LINGO2: variants seen among roughly 807,000 people sequenced by gnomAD.
LINGO2 encodes the protein leucine rich repeat and Ig domain containing 2, also known as leucine-rich repeat and immunoglobulin-like domain-containing nogo receptor-interacting protein 2.
A neutral mutation model predicts 30.6 loss-of-function variants in LINGO2; 14 were observed. That is an observed-to-expected ratio of 0.46 (90% CI 0.30 to 0.72). The LOEUF (loss-of-function observed/expected upper bound fraction) is 0.72, where lower values mean the gene tolerates loss of function less well. Ranked by LOEUF, LINGO2 falls within the 30% of genes least tolerant of loss-of-function variation. The probability of loss-of-function intolerance (pLI) is 0.07; values close to 1 mark genes in which losing one functional copy is unlikely to be tolerated. For missense variants in LINGO2, 729 were observed against 751.7 expected, an observed-to-expected ratio of 0.97 and a Z score of 0.35; for synonymous variants, 317 against 288.5, an observed-to-expected ratio of 1.10 and a Z score of -1.00.
intron 3 of LINGO2, among the ~76,000 whole-genome samples, chr9:28,300,435 G>C (rs909993208): frequency 6.6e-6 from 1 of 151,986 alleles, no homozygotes; most frequent in Admixed American, 6.6e-5. Context: ...TTTTGTCTTC[G>C]CTCAAAGATG....
upstream of LINGO2, among the ~76,000 whole-genome samples, chr9:28,670,702 A>G (rs1392388476): frequency 6.6e-6 from 1 of 152,164 alleles, no homozygotes; most frequent in East Asian, 1.9e-4. Context: ...AAATTTTAGC[A>G]AATATCCTTA....
chr9:28,804,533 G>GCAAAAACAAAAA, the LINGO2 span, among the ~76,000 whole-genome samples: 17 of 133,262 alleles, frequency 1.3e-4, no homozygotes, highest in South Asian at 1.0e-3. Flanking sequence ...TGTGTTCACG[G>GCAAAAACAAAAA]CAAAAACAAA....
At chr9:29,018,751 C>A in the LINGO2 span, among the ~76,000 whole-genome samples, 3 of 147,122 alleles carry the variant, frequency 2.0e-5, no homozygotes, top group African/African-American at 7.3e-5. Flanking sequence ...TAGATCTGAA[C>A]GAAGTGTTTG....
chr9:28,719,286 C>T, the LINGO2 span, among the ~76,000 whole-genome samples: 1 of 152,010 alleles, frequency 6.6e-6, no homozygotes, highest in African/African-American at 2.4e-5. Flanking sequence ...GTTGAACACT[C>T]CCTACATCTT....
chr9:29,176,791 A>G, the LINGO2 span, among the ~76,000 whole-genome samples: 3 of 152,364 alleles, frequency 2.0e-5, no homozygotes, highest in South Asian at 2.1e-4. Flanking sequence ...ATAAGCTTCA[A>G]TGCAACTTTT....
chr9:29,202,472 T>G, the LINGO2 span, among the ~76,000 whole-genome samples: 1 of 152,038 alleles, frequency 6.6e-6, no homozygotes, highest in African/African-American at 2.4e-5. Context: ...AATAATTACA[T>G]TCATTAGCAC....
the LINGO2 span, among the ~76,000 whole-genome samples, chr9:28,776,953 C>T: frequency 6.6e-6 from 1 of 151,916 alleles, no homozygotes; most frequent in African/African-American, 2.4e-5. Flanking sequence ...ATGATTTCCC[C>T]TTGGATTTCC....
chr9:28,346,697 T>C (rs905760221), intron 3 of LINGO2, among the ~76,000 whole-genome samples: 1 of 151,882 alleles, frequency 6.6e-6, no homozygotes, highest in Non-Finnish European at 1.5e-5. Flanking sequence ...CTCATCAGCA[T>C]GTTATTTTTG....
chr9:29,067,429 T>TA, the LINGO2 span, among the ~76,000 whole-genome samples: 9 of 151,728 alleles, frequency 5.9e-5, no homozygotes, highest in African/African-American at 2.2e-4. Context: ...ATTAAACTCT[T>TA]ATAATTTCTT....
chr9:28,946,368 T>C, the LINGO2 span, among the ~76,000 whole-genome samples: 1 of 152,116 alleles, frequency 6.6e-6, no homozygotes, highest in African/African-American at 2.4e-5. Context: ...TTGGAAATGT[T>C]TGGTTAGGAG....
At chr9:27,972,844 T>G (rs1275698292) in intron 5 of LINGO2, among the ~76,000 whole-genome samples, 1 of 152,208 alleles carries the variant, frequency 6.6e-6, no homozygotes, top group Admixed American at 6.5e-5. Context: ...ATCTAAGAGA[T>G]GCCAGGATAG....
the LINGO2 span, among the ~76,000 whole-genome samples, chr9:29,005,259 T>C: frequency 3.3e-5 from 5 of 151,960 alleles, no homozygotes; most frequent in Non-Finnish European, 7.4e-5. Context: ...TATAAAATTT[T>C]AATAATACAT....
chr9:28,797,350 A>T, the LINGO2 span, among the ~76,000 whole-genome samples: 1 of 96,140 alleles, frequency 1.0e-5, no homozygotes, highest in African/African-American at 4.1e-5. Flanking sequence ...ATATATATAT[A>T]TATATATATA....
chr9:28,814,705 G>A, the LINGO2 span, among the ~76,000 whole-genome samples: 10 of 152,180 alleles, frequency 6.6e-5, no homozygotes, highest in East Asian at 3.9e-4. Flanking sequence ...GGCCAACACA[G>A]TGAAACCCTG....
intron 4 of LINGO2, among the ~76,000 whole-genome samples, chr9:28,027,224 T>C (rs1184173559): frequency 2.0e-5 from 3 of 152,172 alleles, no homozygotes; most frequent in Non-Finnish European, 4.4e-5. Context: ...TTTACACATA[T>C]CGATGTATTT....
intron 5 of LINGO2, among the ~76,000 whole-genome samples, chr9:27,975,015 G>A (rs1820530316): frequency 6.6e-6 from 1 of 152,090 alleles, no homozygotes; most frequent in African/African-American, 2.4e-5. Context: ...GTTGCCAGAG[G>A]AGTTATTAGA....
rs776569265 is a variant in LINGO2 at position 27,950,172 on chromosome 9, T to A, written c.500A>T (p.Tyr167Phe). The stretch of plus-strand genomic sequence containing the variant: ...CCCACTGAATGCCCTGTGTGATATA[T>A]AAACCAAATCATTGTCCCCCACTTC... Residue 167 changes from tyrosine to phenylalanine, a missense_variant, in exon 6 of 6, where the codon TAT (tyrosine) becomes TTT (phenylalanine). By Grantham distance (22) the Tyr-to-Phe change is conservative (BLOSUM62 3). Coordinates refer to ENST00000379992, the Ensembl canonical transcript of LINGO2. 4.3e-6 allele frequency: 7 copies of A among 1,613,968 alleles called. No individual in the cohort carries two copies. The South Asian group carries it at 7.7e-5, about 18-fold the overall frequency.
intron 4 of LINGO2, among the ~76,000 whole-genome samples, chr9:28,031,568 C>G (rs1823673554): frequency 6.6e-6 from 1 of 152,128 alleles, no homozygotes; most frequent in Non-Finnish European, 1.5e-5. Context: ...GCTGTGTGAC[C>G]TTAGCTACTT....
intron 4 of LINGO2, among the ~76,000 whole-genome samples, chr9:28,033,871 C>A (rs942908837): frequency 1.3e-5 from 2 of 152,198 alleles, no homozygotes; most frequent in Non-Finnish European, 2.9e-5. Flanking sequence ...TTTGTTCAGT[C>A]AACAAGGATT....
Sources: allele counts gnomAD v4.1 joint callset (sites outside exome capture counted in the v4.1 genomes callset), GRCh38; gene constraint gnomAD v4.1.1; transcripts MANE v1.5; gene names NCBI Gene and HGNC (gene_info 2026-07-23, HGNC 2026-07-21).